The following ST18 variants were observed in gnomAD, a reference collection of about 807,000 sequenced individuals.
ST18 encodes the protein suppression of tumorigenicity 18 protein.
A neutral mutation model predicts 110.0 loss-of-function variants in ST18; 50 were observed. The ratio of observed to expected loss-of-function variants is 0.45; its 90% CI spans 0.36 to 0.58. The LOEUF is 0.58. ST18 is among the 20% of genes least tolerant of loss of function. The pLI, the probability that ST18 is intolerant of heterozygous loss-of-function variation, is 0.00. For synonymous variants in ST18, 461 were observed against 452.4 expected (o/e 1.02, Z -0.24); for missense variants, 1,306 against 1,280.1 (o/e 1.02, Z -0.31).
At chr8:52,191,136 T>C (rs755805552) in intron 8 of ST18, among the ~76,000 whole-genome samples, 3 of 152,218 alleles carry the variant, frequency 2.0e-5, no homozygotes, top group Non-Finnish European at 4.4e-5. Flanking sequence ...GGAAGCCCTG[T>C]TGCTTGGGCC....
In ST18 at chr8:52,172,313, T is replaced by C; in HGVS notation, c.548A>G (p.Gln183Arg). 1 of 1,614,238 alleles carries C rather than the reference T, an allele frequency of 6.2e-7. No homozygotes were observed. The highest frequency in any genetic ancestry group is 8.5e-7 in the Non-Finnish European group (1 of 1,180,048). Residue 183 changes from glutamine to arginine, a missense_variant, in exon 10 of 26, where the codon CAG (glutamine) becomes CGG (arginine). Transcript: ENST00000689386. ...GTCATCAGAGGAGCAGAAGGGTGGC[T>C]GAGAATCATCAATCTTGTCTCTTCC... ...DDGRDKIDDSQPPFCSSDDNE... is the reference protein window; with the variant it reads ...DDGRDKIDDSRPPFCSSDDNE...
At chr8:52,395,254 C>A (rs1840701860) in intron 2 of ST18, among the ~76,000 whole-genome samples, 1 of 152,174 alleles carries the variant, frequency 6.6e-6, no homozygotes, top group Non-Finnish European at 1.5e-5. Context: ...AAAAGACACA[C>A]AATCCTCTGC....
At chr8:52,219,852 C>T (rs2085958673) in intron 5 of ST18, among the ~76,000 whole-genome samples, 1 of 152,198 alleles carries the variant, frequency 6.6e-6, no homozygotes, top group East Asian at 1.9e-4. Context: ...TTTTGATTCT[C>T]TCTGATTTCT....
At chr8:52,384,624 A>G (rs1835826642) in intron 2 of ST18, among the ~76,000 whole-genome samples, 1 of 152,042 alleles carries the variant, frequency 6.6e-6, no homozygotes, top group African/African-American at 2.4e-5. Flanking sequence ...CCAATCTACA[A>G]TGCCACACCT....
intron 22 of ST18, among the ~76,000 whole-genome samples, chr8:52,130,141 A>AAGAAAGAAAGAAAG (rs2048889506): frequency 6.6e-6 from 1 of 151,252 alleles, no homozygotes; most frequent in South Asian, 2.1e-4. Flanking sequence ...GAAAGAAAGA[A>AAGAAAGAAAGAAAG]AGAAAGAAAG....
In ST18 at chr8:52,161,369, G is replaced by A. The variant is rs1332895538; in HGVS notation, c.1594+6C>T. On this transcript the variant is annotated splice_donor_region_variant and intron_variant, in intron 14 of 25. Transcript: ENST00000689386. ...TGGGGAAACGGCATTAGAGCTCAAA[G>A]CTTACATTCAGGAAATGGTGGTGTT... The A allele has an allele frequency of 1.2e-6, 2 of 1,612,634 alleles. No individual in the cohort carries two copies. The highest frequency in any genetic ancestry group is 4.5e-5 in the East Asian group (2 of 44,868).
chr8:52,150,723 A>G (rs1026884980), intron 15 of ST18: 16 of 152,194 alleles, frequency 1.1e-4, no homozygotes, highest in African/African-American at 3.9e-4. Context: ...TTTTCTCCAC[A>G]CTTAGTGTGA....
Position 52,320,629 on chromosome 8 carries a change from G to A in ST18, c.-465+88699C>T, listed in dbSNP as rs527785025. Among the ~76,000 whole-genome samples the A allele has an allele frequency of 2.6e-5, 4 of 152,246 alleles. No homozygotes were observed. The South Asian group carries it at 8.3e-4, about 32-fold the overall frequency. ...AATTCTCAATTTCACTAATAATCAG[G>A]GAAGTGCTAACTGAAACTACCGTGA... is the stretch of plus-strand genomic sequence containing the variant. On this transcript the variant is annotated intron_variant, in intron 2 of 25. Transcript: ENST00000689386.
chr8:52,119,581 G>T (rs374215902), intron 23 of ST18, among the ~76,000 whole-genome samples: 1 of 152,158 alleles, frequency 6.6e-6, no homozygotes, highest in Non-Finnish European at 1.5e-5. Flanking sequence ...CATTCTCTAT[G>T]ACCCTACAAT....
At position 52,352,323 on chromosome 8, in the gene ST18, G is replaced by A. The variant is rs536825208; in HGVS notation, c.-465+57005C>T. Among the ~76,000 whole-genome samples the A allele has an allele frequency of 9.2e-5, 14 of 152,284 alleles. 1 individual carries two copies. In the South Asian group the frequency reaches 2.9e-3, roughly 32 times the overall value. ...GGCATTAGGCTCACTTGCACATTGT[G>A]TAATGTAAGATTTCCTCAATATCCA... On this transcript the variant is annotated intron_variant, in intron 2 of 25. Transcript: ENST00000689386.
chr8:52,292,854 C>T (rs925165737), intron 2 of ST18, among the ~76,000 whole-genome samples: 7 of 152,288 alleles, frequency 4.6e-5, no homozygotes, highest in African/African-American at 1.4e-4. Flanking sequence ...TCAATCAATT[C>T]GGTCTCCTCC....
At chr8:52,241,789 A>T (rs2137638972) in intron 2 of ST18, among the ~76,000 whole-genome samples, 1 of 152,356 alleles carries the variant, frequency 6.6e-6, no homozygotes, top group Non-Finnish European at 1.5e-5. Flanking sequence ...AATCATATTC[A>T]GCTGAAATAA....
At chr8:52,364,419 C>T (rs868660338) in intron 2 of ST18, among the ~76,000 whole-genome samples, 7 of 152,190 alleles carry the variant, frequency 4.6e-5, no homozygotes, top group Non-Finnish European at 7.3e-5. Context: ...TCTTTGATAT[C>T]TCGCTTGCCT....
At chr8:52,186,136 A>C (rs187724221) in intron 8 of ST18, among the ~76,000 whole-genome samples, 2 of 152,318 alleles carry the variant, frequency 1.3e-5, no homozygotes, top group African/African-American at 4.8e-5. Context: ...AAGAGAGAAG[A>C]AGCAAGCCAA....
chr8:52,247,842 A>G (rs1467814335), intron 2 of ST18, among the ~76,000 whole-genome samples: 3 of 152,052 alleles, frequency 2.0e-5, no homozygotes, highest in East Asian at 3.9e-4. Flanking sequence ...GTAAAATCAA[A>G]CTCTATTTTC....
intron 2 of ST18, among the ~76,000 whole-genome samples, chr8:52,385,926 T>C (rs912511766): frequency 1.3e-5 from 2 of 152,146 alleles, no homozygotes; most frequent in Non-Finnish European, 2.9e-5. Flanking sequence ...TCTTACTGTG[T>C]CCTAGGGAAG....
At chr8:52,152,514 A>C (rs917521436) in intron 15 of ST18, among the ~76,000 whole-genome samples, 1 of 152,184 alleles carries the variant, frequency 6.6e-6, no homozygotes, top group African/African-American at 2.4e-5. Flanking sequence ...GTTCTTTCCG[A>C]CTTAGAGGGG....
chr8:52,169,460 A>G (rs2064063551), intron 10 of ST18, among the ~76,000 whole-genome samples: 2 of 152,184 alleles, frequency 1.3e-5, no homozygotes, highest in Admixed American at 1.3e-4. Flanking sequence ...CTTAGTGGCA[A>G]GAGTCTAACC....
At position 52,390,810 on chromosome 8, in the gene ST18, G is replaced by A. The variant is rs368902737; in HGVS notation, c.-465+18518C>T. Among the ~76,000 whole-genome samples the A allele has an allele frequency of 3.5e-4, 54 of 152,318 alleles. No individual in the cohort carries two copies. In the East Asian group the frequency reaches 7.3e-3, roughly 21 times the overall value. On this transcript the variant is annotated intron_variant, in intron 2 of 25. Transcript: ENST00000689386. Reference sequence around the variant, plus strand: ...AGTACCCACTAAATGGTGCAAACACGGCCTGGCCCATCTGTCATAAACATT... The same window carrying A: ...AGTACCCACTAAATGGTGCAAACACAGCCTGGCCCATCTGTCATAAACATT...
Sources: gnomAD v4.1 joint callset for allele counts (sites outside exome capture counted in the v4.1 genomes callset) on GRCh38, gnomAD v4.1.1 for gene constraint, MANE v1.5 for transcripts, NCBI Gene and HGNC (gene_info 2026-07-23, HGNC 2026-07-21) for gene names.